Variants in ABR observed in about 807,000 individuals in gnomAD.
ABR encodes the protein ABR activator of RhoGEF and GTPase.
In ABR, 35 loss-of-function variants were observed where a neutral mutation model predicts 107.2. The ratio of observed to expected loss-of-function variants is 0.33; its 90% CI spans 0.25 to 0.43. The LOEUF (loss-of-function observed/expected upper bound fraction) is 0.43, where lower values mean the gene tolerates loss of function less well. ABR is among the 20% of genes least tolerant of loss of function. The probability of loss-of-function intolerance (pLI) is 1.00; values close to 1 mark genes in which losing one functional copy is unlikely to be tolerated. For synonymous variants in ABR, 498 were observed against 462.0 expected (o/e 1.08, Z -1.00); for missense variants, 815 against 1,115.2 (o/e 0.73, Z 3.83).
At chr17:1,009,650 G>A (rs567964565) in intron 21 of ABR, 29 bp downstream of exon 21, 3 of 1,578,494 alleles carry the variant, frequency 1.9e-6, no homozygotes, top group Non-Finnish European at 2.6e-6. Context: ...AGGGACTGAG[G>A]AGGTGGGGTT....
chr17:1,021,729 G>A (rs562894263), intron 16 of ABR, among the ~76,000 whole-genome samples: 9 of 152,028 alleles, frequency 5.9e-5, no homozygotes, highest in East Asian at 3.9e-4. Flanking sequence ...GCTTGAACCC[G>A]GGAGGCGGAG....
chr17:1,064,238 GCTGTTATGTA>G (rs2034415047), intron 10 of ABR, among the ~76,000 whole-genome samples: 1 of 75,826 alleles, frequency 1.3e-5, no homozygotes. Context: ...TCTAGACGCT[GCTGTTATGTA>G]AACTGAGGGC....
At chr17:1,133,371 G>C (rs2039929073) in intron 1 of ABR, among the ~76,000 whole-genome samples, 4 of 151,912 alleles carry the variant, frequency 2.6e-5, no homozygotes, top group Non-Finnish European at 5.9e-5. Flanking sequence ...AGTTATAAAT[G>C]AACATAAAAA....
At chr17:1,021,540 T>C (rs964106419) in intron 16 of ABR, among the ~76,000 whole-genome samples, 1 of 152,256 alleles carries the variant, frequency 6.6e-6, no homozygotes, top group Admixed American at 6.5e-5. Flanking sequence ...GTGCGGTGGC[T>C]CACGCCTGTC....
At chr17:1,106,448 C>T (rs2038252720) in intron 2 of ABR, among the ~76,000 whole-genome samples, 1 of 151,762 alleles carries the variant, frequency 6.6e-6, no homozygotes, top group Admixed American at 6.6e-5. Flanking sequence ...TGCACGCATC[C>T]AGGCCATCCC....
chr17:1,016,107 C>T (rs907996946), intron 16 of ABR, among the ~76,000 whole-genome samples: 1 of 152,176 alleles, frequency 6.6e-6, no homozygotes, highest in African/African-American at 2.4e-5. Flanking sequence ...ATCACAGCCG[C>T]GTTACACCAT....
chr17:1,005,391 G>T lies in ABR; in HGVS notation c.*689C>A. 2.7e-6 allele frequency: 1 copy of T among 376,718 alleles called. No homozygotes were observed. The highest frequency in any genetic ancestry group is 4.7e-6 in the Non-Finnish European group (1 of 212,580). The allele number at this position is 376,718 out of a possible 1,614,324, so 23.3% of individuals were successfully genotyped here. A position where few individuals can be genotyped will look rare whatever the true frequency, so the allele number is the denominator to read the frequency against. On this transcript the variant is annotated 3_prime_UTR_variant, in exon 23 of 23. Transcript: ENST00000302538. ...TGCTAAGCTGGGGACGAGTGTGAGT[G>T]TGTCTGCTTGTCCAACATTTGCACA...
chr17:1,122,264 G>A (rs947191666), intron 2 of ABR, among the ~76,000 whole-genome samples: 1 of 152,204 alleles, frequency 6.6e-6, no homozygotes, highest in Non-Finnish European at 1.5e-5. Flanking sequence ...GTGGCTGAAG[G>A]AATAATAGTA....
intron 16 of ABR, among the ~76,000 whole-genome samples, chr17:1,042,009 C>T (rs935415752): frequency 6.6e-6 from 1 of 152,162 alleles, no homozygotes; most frequent in Non-Finnish European, 1.5e-5. Flanking sequence ...CCTAGGGTCA[C>T]GGGTCCTGCT....
chr17:1,160,754 T>C (rs2151566648), intron 1 of ABR, among the ~76,000 whole-genome samples: 1 of 152,248 alleles, frequency 6.6e-6, no homozygotes, highest in Admixed American at 6.5e-5. Context: ...AATGGAGGTG[T>C]TGCCATTCTC....
intron 16 of ABR, among the ~76,000 whole-genome samples, chr17:1,018,322 G>A (rs9892700): frequency 0.017 from 2,605 of 152,310 alleles, 63 homozygotes; most frequent in African/African-American, 0.045. Flanking sequence ...GATTACGGGC[G>A]TGAGCCACCA....
At chr17:1,195,558 A>G (rs2042542826) in intron 1 of ABR, among the ~76,000 whole-genome samples, 1 of 151,894 alleles carries the variant, frequency 6.6e-6, no homozygotes, top group African/African-American at 2.4e-5. Context: ...TCATCCCAGC[A>G]CTGTGGGAGG....
At chr17:1,098,137 A>G (rs532662941) in intron 3 of ABR, among the ~76,000 whole-genome samples, 1 of 151,136 alleles carries the variant, frequency 6.6e-6, no homozygotes, top group African/African-American at 2.4e-5. Context: ...CAGTGGCGCA[A>G]TCTCTGCTCA....
chr17:1,025,731 G>A (rs2072143659), intron 16 of ABR, among the ~76,000 whole-genome samples: 1 of 152,156 alleles, frequency 6.6e-6, no homozygotes, highest in South Asian at 2.1e-4. Flanking sequence ...ACTCTCTACT[G>A]CGTTACCCAG....
At chr17:1,167,853 T>C (rs1222668096) in intron 1 of ABR, among the ~76,000 whole-genome samples, 1 of 152,154 alleles carries the variant, frequency 6.6e-6, no homozygotes, top group Non-Finnish European at 1.5e-5. Context: ...AGGTAAACAC[T>C]ATAAAACAAC....
At chr17:1,226,640 A>C (rs1167297705) in intron 1 of ABR, among the ~76,000 whole-genome samples, 1 of 148,706 alleles carries the variant, frequency 6.7e-6, no homozygotes, top group African/African-American at 2.5e-5. Flanking sequence ...GTACATGTGA[A>C]GGTGTGAATG....
At chr17:1,191,016 G>A (rs959302638), upstream of ABR, among the ~76,000 whole-genome samples, 1 of 152,234 alleles carries the variant, frequency 6.6e-6, no homozygotes, top group African/African-American at 2.4e-5. Flanking sequence ...GACTTCTGCG[G>A]CTGCAGATTG....
In ABR at chr17:1,011,906, T is replaced by C; in HGVS notation, c.2041A>G (p.Ile681Val). The change falls in exon 19 of 23, where the codon ATC (isoleucine) becomes GTC (valine). Residue 681 changes from isoleucine (I) to valine (V), a missense_variant. By Grantham distance (29) the Ile-to-Val change is conservative. Around this residue, in one of 5 missense-constraint regions of ABR, gnomAD observed 175 missense variants for 284.3 expected, o/e 0.62. Transcript: ENST00000302538. The surrounding 1 kb of genome is among the most constrained non-coding windows in gnomAD (Gnocchi z 4.8). ...GTGGCCACGCCCGATATCCTGTAGA[T>C]GCCAACCTCCTCGATACCCCTCTTC... Reference protein sequence around the residue: ...VEKRGIEEVGIYRISGVATDI... With the variant: ...VEKRGIEEVGVYRISGVATDI... The C allele has an allele frequency of 1.2e-6, 2 of 1,611,388 alleles. No individual in the cohort carries two copies. Among genetic ancestry groups the C allele is most frequent in the Non-Finnish European group, 1.7e-6 (2 of 1,177,974 alleles).
At chr17:1,115,010 G>A (rs116621509) in intron 2 of ABR, among the ~76,000 whole-genome samples, 70 of 152,296 alleles carry the variant, frequency 4.6e-4, no homozygotes, top group African/African-American at 1.5e-3. Context: ...ATTCTAGCAC[G>A]GAGTTGGTCC....
Sources: allele counts gnomAD v4.1 joint callset (sites outside exome capture counted in the v4.1 genomes callset), GRCh38; gene constraint gnomAD v4.1.1; regional missense constraint gnomAD v4.1.1; non-coding constraint Gnocchi (gnomAD v3.1); transcripts MANE v1.5; gene names NCBI Gene and HGNC (gene_info 2026-07-23, HGNC 2026-07-21).